Variants in RBFOX1 observed in about 807,000 individuals in gnomAD.
The protein encoded by RBFOX1 is RNA binding fox-1 homolog 1.
RBFOX1 carries 8 observed loss-of-function variants against 57.7 expected under a neutral mutation model. The ratio of observed to expected loss-of-function variants is 0.14; its 90% confidence interval spans 0.08 to 0.25. The LOEUF (loss-of-function observed/expected upper bound fraction) is 0.25. RBFOX1 is among the 10% of genes least tolerant of loss of function. The pLI, the probability that RBFOX1 is intolerant of heterozygous loss-of-function variation, is 1.00. For missense variants in RBFOX1, 611 were observed against 548.5 expected (o/e 1.11, Z -1.14); for synonymous variants, 326 against 222.4 (o/e 1.47, Z -4.15).
At chr16:7,591,191 C>T (rs1424110857) in intron 7 of RBFOX1, among the ~76,000 whole-genome samples, 2 of 152,060 alleles carry the variant, frequency 1.3e-5, no homozygotes, top group Non-Finnish European at 2.9e-5. Context: ...GTGTCTCAGG[C>T]AGGAGAAGTT....
intron 1 of RBFOX1, among the ~76,000 whole-genome samples, chr16:5,448,369 T>G (rs11646886): frequency 0.025 from 3,837 of 152,306 alleles, 54 homozygotes; most frequent in Middle Eastern, 0.044. Context: ...AAAACTGGAA[T>G]AAGGTATGTT....
chr16:5,255,322 T>TTGCA, intron 1 of RBFOX1, among the ~76,000 whole-genome samples: 1 of 119,482 alleles, frequency 8.4e-6, no homozygotes, highest in Non-Finnish European at 1.8e-5. Context: ...CCACACTTCC[T>TTGCA]TCCATCCATC....
intron 1 of RBFOX1, among the ~76,000 whole-genome samples, chr16:5,330,413 T>A (rs534350406): frequency 4.6e-5 from 7 of 152,144 alleles, no homozygotes; most frequent in East Asian, 1.9e-4. Flanking sequence ...TAAAAGAAAA[T>A]TTTTTTTGAG....
chr16:7,181,679 C>T (rs892155179), intron 4 of RBFOX1, among the ~76,000 whole-genome samples: 1 of 152,120 alleles, frequency 6.6e-6, no homozygotes, highest in Non-Finnish European at 1.5e-5. Flanking sequence ...TCGTGTGCCT[C>T]AGCCTCCCGA....
intron 4 of RBFOX1, among the ~76,000 whole-genome samples, chr16:7,512,400 A>C (rs978117504): frequency 1.1e-4 from 16 of 152,256 alleles, no homozygotes; most frequent in African/African-American, 3.6e-4. Flanking sequence ...TTTGAAGGTG[A>C]AAAATAATTC....
chr16:7,233,997 A>G (rs1478913695), intron 4 of RBFOX1, among the ~76,000 whole-genome samples: 4 of 152,190 alleles, frequency 2.6e-5, no homozygotes, highest in African/African-American at 9.7e-5. Context: ...CTATTTTGAT[A>G]CTTTTCATTT....
At position 5,898,773 on chromosome 16, in the gene RBFOX1, C is replaced by G. The variant is rs76300570; in HGVS notation, c.351+31438C>G. ...CTCATTAATTCATATAAAAAAATAGCTACTGGTTGCACACAGTGGCTCATG... is the reference window on the plus strand; with the variant it reads ...CTCATTAATTCATATAAAAAAATAGGTACTGGTTGCACACAGTGGCTCATG... On this transcript the variant is annotated intron_variant, in intron 4 of 19. Transcript: ENST00000641259. Among the ~76,000 whole-genome samples the G allele has an allele frequency of 1.8e-3, 275 of 151,890 alleles. 3 individuals carry two copies. Among genetic ancestry groups the G allele is most frequent in the African/African-American group, 6.4e-3 (265 of 41,430 alleles).
intron 4 of RBFOX1, among the ~76,000 whole-genome samples, chr16:7,061,071 T>C (rs9925834): frequency 0.43 from 65,789 of 151,510 alleles, 17,331 homozygotes; most frequent in South Asian, 0.65. Context: ...AGGAAAAAAC[T>C]GGCAGAAGTT....
At chr16:7,218,095 GTGC>G in intron 4 of RBFOX1, among the ~76,000 whole-genome samples, 1 of 152,196 alleles carries the variant, frequency 6.6e-6, no homozygotes, top group Middle Eastern at 3.4e-3. Flanking sequence ...GTGTGTGTGT[GTGC>G]CCCTGAGTAG....
At chr16:7,041,082 A>ATTTTTTT (rs61569211) in intron 3 of RBFOX1, among the ~76,000 whole-genome samples, 42 of 109,316 alleles carry the variant, frequency 3.8e-4, no homozygotes, top group Non-Finnish European at 4.2e-4. Flanking sequence ...CGCCCAGCTA[A>ATTTTTTT]TTTTTTTTTT....
At chr16:7,388,451 A>G (rs1328680503) in intron 4 of RBFOX1, among the ~76,000 whole-genome samples, 2 of 152,136 alleles carry the variant, frequency 1.3e-5, no homozygotes, top group African/African-American at 4.8e-5. Flanking sequence ...GATACAACAA[A>G]TATGGATTTA....
At chr16:6,649,277 C>T (rs2098557544) in intron 2 of RBFOX1, among the ~76,000 whole-genome samples, 1 of 152,184 alleles carries the variant, frequency 6.6e-6, no homozygotes, top group Non-Finnish European at 1.5e-5. Flanking sequence ...GGCTTTCCTT[C>T]TTTATTAAGG....
intron 2 of RBFOX1, among the ~76,000 whole-genome samples, chr16:5,550,356 A>T (rs557046710): frequency 2.3e-4 from 35 of 152,232 alleles, no homozygotes; most frequent in African/African-American, 8.4e-4. Context: ...TGCTACATGG[A>T]AGGAACTGGA....
chr16:6,871,585 T>C (rs918104302), intron 3 of RBFOX1, among the ~76,000 whole-genome samples: 3 of 152,098 alleles, frequency 2.0e-5, no homozygotes, highest in African/African-American at 7.2e-5. Context: ...AACTTTTTGC[T>C]TCTCTCCATT....
rs66500043 is a variant in RBFOX1 at position 7,495,010 on chromosome 16, C to A, written c.28-23137C>A. 9.2e-5 allele frequency among the ~76,000 whole-genome samples: 14 copies of A among 151,924 alleles called. 1 individual carries two copies. The highest frequency in any genetic ancestry group is 7.8e-4 in the East Asian group (4 of 5,142). ...AGTAGTCCCCCGTGTCTGTTGTTCC[C>A]TTATTTATGACCGTGTGTGCTTGAT... On this transcript the variant is annotated intron_variant, in intron 4 of 15. Transcript: ENST00000550418.
At chr16:7,099,161 C>T (rs2062213133) in intron 4 of RBFOX1, among the ~76,000 whole-genome samples, 1 of 152,104 alleles carries the variant, frequency 6.6e-6, no homozygotes, top group Non-Finnish European at 1.5e-5. Flanking sequence ...TTAGTTGTAA[C>T]CATCAATACT....
chr16:6,917,406 T>A (rs949670886), intron 3 of RBFOX1, among the ~76,000 whole-genome samples: 5 of 152,216 alleles, frequency 3.3e-5, no homozygotes, highest in African/African-American at 1.2e-4. Flanking sequence ...CTATATCTTA[T>A]AAAGAAATCT....
chr16:5,899,274 G>A (rs2058248329), intron 4 of RBFOX1, among the ~76,000 whole-genome samples: 1 of 151,816 alleles, frequency 6.6e-6, no homozygotes, highest in South Asian at 2.1e-4. Flanking sequence ...AGGGGAAAGA[G>A]ATCTCAAAGG....
intron 4 of RBFOX1, among the ~76,000 whole-genome samples, chr16:7,413,216 T>A (rs2098446699): frequency 6.6e-6 from 1 of 152,122 alleles, no homozygotes; most frequent in Admixed American, 6.5e-5. Context: ...TTGAGACACC[T>A]TGACATCACT....
Sources: gnomAD v4.1 joint callset for allele counts (sites outside exome capture counted in the v4.1 genomes callset) on GRCh38, gnomAD v4.1.1 for gene constraint, MANE v1.5 for transcripts, NCBI Gene and HGNC (gene_info 2026-07-23, HGNC 2026-07-21) for gene names.